The following ARFIP1 variants were observed in gnomAD, a reference collection of about 807,000 sequenced individuals.
ARFIP1 encodes arfaptin-1.
A neutral mutation model predicts 42.5 loss-of-function variants in ARFIP1; 24 were observed. The ratio of observed to expected loss-of-function variants is 0.57; its 90% CI spans 0.41 to 0.80. The LOEUF (loss-of-function observed/expected upper bound fraction) is 0.80. Ranked by LOEUF, ARFIP1 falls within the 30% of genes least tolerant of loss-of-function variation. The pLI is 0.00. For missense variants in ARFIP1, 354 were observed against 434.0 expected (o/e 0.82, Z 1.64); for synonymous variants, 141 against 153.7 (o/e 0.92, Z 0.61).
intron 8 of ARFIP1, among the ~76,000 whole-genome samples, chr4:152,905,081 G>A (rs1259412432): frequency 6.6e-6 from 1 of 151,992 alleles, no homozygotes; most frequent in Non-Finnish European, 1.5e-5. Context: ...TTTTTAATAC[G>A]CCATTCTGAC....
At chr4:152,888,728 G>A (rs1010546025) in intron 8 of ARFIP1, among the ~76,000 whole-genome samples, 2 of 152,090 alleles carry the variant, frequency 1.3e-5, no homozygotes, top group African/African-American at 4.8e-5. Context: ...TCCAGCTTAG[G>A]GCTGCAGTTA....
rs191071635 is a variant in ARFIP1 at position 152,781,453 on chromosome 4, T to A, written c.-10+1227T>A. Among the ~76,000 whole-genome samples, 451 of 152,234 alleles carry A rather than the reference T, an allele frequency of 3.0e-3. 6 individuals are homozygous for A. In the East Asian group the frequency reaches 0.031, roughly 10 times the overall value. ...GGTTTCACCGTGTTGGCCAGGCTGG[T>A]CTCAAACTCCTGACCTCAAATGATC... On this transcript the variant is annotated intron_variant, in intron 1 of 8. Transcript: ENST00000353617.
chr4:152,855,354 G>T (rs1489657612), intron 2 of ARFIP1, among the ~76,000 whole-genome samples: 1 of 152,146 alleles, frequency 6.6e-6, no homozygotes, highest in Non-Finnish European at 1.5e-5. Context: ...GCTAGCTGTG[G>T]TGGGGAGGGG....
At chr4:152,833,904 T>C (rs757488667) in intron 2 of ARFIP1, among the ~76,000 whole-genome samples, 5 of 152,048 alleles carry the variant, frequency 3.3e-5, no homozygotes, top group Non-Finnish European at 7.4e-5. Flanking sequence ...TATAAAGAAA[T>C]ACCTGAGGCT....
intron 1 of ARFIP1, among the ~76,000 whole-genome samples, chr4:152,789,731 G>A (rs1265447181): frequency 1.3e-5 from 2 of 151,978 alleles, no homozygotes; most frequent in African/African-American, 4.8e-5. Flanking sequence ...TTATTACTTT[G>A]TTGCTCAAAT....
intron 1 of ARFIP1, among the ~76,000 whole-genome samples, chr4:152,812,112 T>A (rs889434100): frequency 1.3e-5 from 2 of 152,228 alleles, no homozygotes; most frequent in Admixed American, 6.5e-5. Context: ...ATAGTTCCAT[T>A]GCTGTAATTT....
chr4:152,868,667 G>A (rs918782384), intron 3 of ARFIP1, among the ~76,000 whole-genome samples: 13 of 152,220 alleles, frequency 8.5e-5, no homozygotes, highest in Non-Finnish European at 1.5e-4. Flanking sequence ...GTAATAACTA[G>A]AACAATAGAG....
chr4:152,877,833 T>A (rs1441784530), intron 5 of ARFIP1, among the ~76,000 whole-genome samples: 1 of 152,116 alleles, frequency 6.6e-6, no homozygotes, highest in African/African-American at 2.4e-5. Flanking sequence ...GGTTTCCGAT[T>A]TTGCTTCTTT....
At chr4:152,872,622 T>C (rs2149884691) in intron 5 of ARFIP1, 58 bp downstream of exon 5, 5 of 928,112 alleles carry the variant, frequency 5.4e-6, no homozygotes, top group Non-Finnish European at 6.4e-6. Flanking sequence ...CATTTATATG[T>C]TTATTCAAGT....
chr4:152,802,983 G>T (rs895530634), intron 1 of ARFIP1, among the ~76,000 whole-genome samples: 4 of 152,138 alleles, frequency 2.6e-5, no homozygotes, highest in Non-Finnish European at 4.4e-5. Context: ...GCCCTGCCTT[G>T]GGCAGCTACA....
In ARFIP1 at chr4:152,911,537, C is replaced by A. The variant is rs1399230953; in HGVS notation, c.*1318C>A. Reference sequence around the variant, plus strand: ...AGTGTAATCCATTTTCAATGTAAAGCTCTTTTAGTTTTTGTCATAGACATA... The same window carrying A: ...AGTGTAATCCATTTTCAATGTAAAGATCTTTTAGTTTTTGTCATAGACATA... On this transcript the variant is annotated 3_prime_UTR_variant, in exon 9 of 9. Coordinates refer to ENST00000353617, the MANE Select transcript of ARFIP1 (RefSeq NM_001025595.3). The A allele has an allele frequency of 6.6e-6, 1 of 152,518 alleles. No individual in the cohort carries two copies. The highest frequency in any genetic ancestry group is 2.4e-5 in the African/African-American group (1 of 41,410). 9.4% of individuals were successfully genotyped at this position (152,518 alleles called of 1,614,324 possible).
At position 152,881,148 on chromosome 4, in the gene ARFIP1, A is replaced by G; in HGVS notation, c.597A>G (p.Ala199=). 1.2e-6 allele frequency: 2 copies of G among 1,613,596 alleles called. No individual in the cohort carries two copies. Among genetic ancestry groups the G allele is most frequent in the Non-Finnish European group, 1.7e-6 (2 of 1,179,694 alleles). The change falls in exon 6 of 9, where the codon GCA becomes GCG. Residue 199 remains alanine, a synonymous_variant. Transcript: ENST00000353617. The part of the protein sequence containing the change: ...MVHTQRQLGD[A]FADLSLKSLE... The stretch of plus-strand genomic sequence containing the variant: ...ATACCCAAAGGCAACTTGGAGATGC[A>G]TTTGCTGACCTGAGTTTGAAGTCAC...
At chr4:152,819,010 C>G (rs1730138148) in intron 1 of ARFIP1, among the ~76,000 whole-genome samples, 1 of 152,164 alleles carries the variant, frequency 6.6e-6, no homozygotes, top group African/African-American at 2.4e-5. Flanking sequence ...CTGACCCAGC[C>G]CCCACCCAGC....
chr4:152,829,627 G>A lies in ARFIP1; in HGVS notation c.-7G>A. 1 of 1,607,574 alleles carries A rather than the reference G, an allele frequency of 6.2e-7. No individual in the cohort carries two copies. The highest frequency in any genetic ancestry group is 8.5e-7 in the Non-Finnish European group (1 of 1,176,924). On this transcript the variant is annotated splice_region_variant and 5_prime_UTR_variant, in exon 2 of 9. Coordinates refer to ENST00000353617, the MANE Select transcript of ARFIP1 (RefSeq NM_001025595.3). ...CTTTTTTTCTTCTTTTGTTTTAGGA[G>A]TCTACCATGGCTCAAGAATCTCCCA...
intron 1 of ARFIP1, among the ~76,000 whole-genome samples, chr4:152,806,521 A>G (rs1259416236): frequency 6.6e-6 from 1 of 152,198 alleles, no homozygotes; most frequent in Non-Finnish European, 1.5e-5. Context: ...CAAAATCAAC[A>G]GTTTATTGAG....
chr4:152,830,021 A>G (rs1305618253), intron 2 of ARFIP1, among the ~76,000 whole-genome samples: 1 of 152,158 alleles, frequency 6.6e-6, no homozygotes, highest in African/African-American at 2.4e-5. Context: ...TGTTTGTAAT[A>G]AAAAGATTAT....
chr4:152,800,070 T>C (rs949081326), intron 1 of ARFIP1, among the ~76,000 whole-genome samples: 3 of 152,190 alleles, frequency 2.0e-5, no homozygotes, highest in Admixed American at 6.5e-5. Context: ...AACATTCTTA[T>C]TAAATTTAAA....
At chr4:152,898,766 A>T (rs976443672) in intron 8 of ARFIP1, among the ~76,000 whole-genome samples, 18 of 152,252 alleles carry the variant, frequency 1.2e-4, no homozygotes, top group African/African-American at 4.3e-4. Flanking sequence ...ACATGTGCAT[A>T]GGCAGGAAAG....
chr4:152,889,739 CTA>C (rs1736614353), intron 8 of ARFIP1, among the ~76,000 whole-genome samples: 1 of 39,430 alleles, frequency 2.5e-5, no homozygotes, highest in South Asian at 7.8e-4. Context: ...ATATACTATA[CTA>C]TATATACTAT....
Sources: gnomAD v4.1 joint callset for allele counts (sites outside exome capture counted in the v4.1 genomes callset) on GRCh38, gnomAD v4.1.1 for gene constraint, MANE v1.5 for transcripts, NCBI Gene and HGNC (gene_info 2026-07-23, HGNC 2026-07-21) for gene names.